FN3KRP: variants seen among roughly 807,000 people sequenced by gnomAD.
FN3KRP encodes the protein fructosamine 3 kinase related protein, also known as ketosamine-3-kinase.
In FN3KRP, 33 loss-of-function variants were observed where a neutral mutation model predicts 29.8. The ratio of observed to expected loss-of-function variants is 1.11; its 90% confidence interval spans 0.84 to 1.48. The LOEUF (loss-of-function observed/expected upper bound fraction) is 1.48. FN3KRP is among the 40% of genes most tolerant of loss of function. The pLI is 0.00. For missense variants in FN3KRP, 430 were observed against 402.6 expected (o/e 1.07, Z -0.58); for synonymous variants, 157 against 155.2 (o/e 1.01, Z -0.09).
At position 82,727,139 on chromosome 17, in the gene FN3KRP, T is replaced by C; in HGVS notation, c.898T>C (p.Ser300Pro). The C allele has an allele frequency of 6.2e-7, 1 of 1,613,982 alleles. No individual in the cohort carries two copies. The highest frequency in any genetic ancestry group is 8.5e-7 in the Non-Finnish European group (1 of 1,179,918). The change falls in exon 6 of 6, where the codon TCC becomes CCC. Residue 300 changes from serine (S) to proline (P), a missense_variant. By Grantham distance (74) the Ser-to-Pro change is moderately conservative. Coordinates refer to ENST00000269373, the MANE Select transcript of FN3KRP (RefSeq NM_024619.4). ...TTTTGGATCGGGGTACAGAGGATCC[T>C]CCCTGAACATCATGAGGAATCTGGT... is the stretch of plus-strand genomic sequence containing the variant. ...NHFGSGYRGS[S>P]LNIMRNLVK
chr17:82,726,670 C>T (rs2046839969), intron 5 of FN3KRP, 68 bp downstream of exon 5: 8 of 1,558,142 alleles, frequency 5.1e-6, no homozygotes, highest in Non-Finnish European at 6.9e-6. Flanking sequence ...AGGGGAGGCA[C>T]CAAGGCAGGT....
rs1410652736 is a variant in FN3KRP, at chr17:82,727,963, TAATA to T, written c.*796_*799del. On this transcript the variant is annotated 3_prime_UTR_variant, in exon 6 of 6. Coordinates refer to ENST00000269373, the MANE Select transcript of FN3KRP (RefSeq NM_024619.4). ...CATATTTCATGAATGGCATTGATGC[TAATA>T]AATCCTTTGCACAAAAATTTGAATA... 1 of 152,242 alleles carries T rather than the reference TAATA, an allele frequency of 6.6e-6. No individual in the cohort carries two copies. The highest frequency in any genetic ancestry group is 1.5e-5 in the Non-Finnish European group (1 of 68,044). The allele number at this position is 152,242 out of a possible 1,614,324, so 9.4% of individuals were successfully genotyped here.
chr17:82,726,477 C>T lies in FN3KRP; in HGVS notation c.469-3C>T. On this transcript the variant is annotated splice_polypyrimidine_tract_variant and splice_region_variant and intron_variant, in intron 4 of 5. Transcript: ENST00000269373. ...GAACTGTGCTTTTGCTGTTACTGTG[C>T]AGGTGAATGACTGGCAGGAGGACTG... The T allele has an allele frequency of 6.2e-7, 1 of 1,612,970 alleles. No homozygotes were observed. Among genetic ancestry groups the T allele is most frequent in the East Asian group, 2.2e-5 (1 of 44,860 alleles).
At chr17:82,719,807 G>A (rs1033610862) in intron 2 of FN3KRP, among the ~76,000 whole-genome samples, 12 of 152,008 alleles carry the variant, frequency 7.9e-5, no homozygotes, top group East Asian at 1.9e-4. Flanking sequence ...GGGAAAGATC[G>A]TCAAATAATC....
At chr17:82,726,216 C>T (rs1214006785) in intron 4 of FN3KRP, among the ~76,000 whole-genome samples, 1 of 152,062 alleles carries the variant, frequency 6.6e-6, no homozygotes, top group Non-Finnish European at 1.5e-5. Context: ...GTTCTAGAAG[C>T]CTTCATTCTT....
chr17:82,717,020 C>T, intron 1 of FN3KRP, 124 bp downstream of exon 1: 1 of 1,185,080 alleles, frequency 8.4e-7, no homozygotes, highest in Non-Finnish European at 1.1e-6. Context: ...CCGGGACTGC[C>T]GCCGCCGCCC....
In FN3KRP at chr17:82,727,883, T is replaced by C. The variant is rs1245502427; in HGVS notation, c.*712T>C. The C allele has an allele frequency of 1.3e-5, 2 of 152,242 alleles. No individual in the cohort carries two copies. The highest frequency in any genetic ancestry group is 4.8e-5 in the African/African-American group (2 of 41,462). 9.4% of individuals were successfully genotyped at this position (152,242 alleles called of 1,614,324 possible). ...GCTGAGTTGTCATTCCTTTGCAACATTAAAATACATGCTGAACTCATATTT... is the reference window on the plus strand; with the variant it reads ...GCTGAGTTGTCATTCCTTTGCAACACTAAAATACATGCTGAACTCATATTT... On this transcript the variant is annotated 3_prime_UTR_variant, in exon 6 of 6. Coordinates refer to ENST00000269373, the MANE Select transcript of FN3KRP (RefSeq NM_024619.4).
intron 1 of FN3KRP, chr17:82,718,369 T>C: frequency 1.0e-6 from 1 of 984,050 alleles, no homozygotes; most frequent in South Asian, 4.7e-5. Context: ...GGGAGTTGGA[T>C]GGAAACGGCA....
At chr17:82,720,698 T>G (rs1201662496) in intron 3 of FN3KRP, 1 of 199,894 alleles carries the variant, frequency 5.0e-6, no homozygotes, top group Non-Finnish European at 1.0e-5. Context: ...ACCCAGGGTC[T>G]GTTCCTGTAA....
rs974582210 is a variant in FN3KRP at position 82,727,508 on chromosome 17, T to C, written c.*337T>C. On this transcript the variant is annotated 3_prime_UTR_variant, in exon 6 of 6. Transcript: ENST00000269373. Reference sequence around the variant, plus strand: ...GGAGGGTATCCGGTGCGCAGGGAGGTGGCCAGCGCCCCCGGGCACTGCTGC... The same window carrying C: ...GGAGGGTATCCGGTGCGCAGGGAGGCGGCCAGCGCCCCCGGGCACTGCTGC... 3.5e-5 allele frequency: 8 copies of C among 226,916 alleles called. No individual in the cohort carries two copies. The highest frequency in any genetic ancestry group is 4.5e-5 in the African/African-American group (2 of 44,252). The allele number at this position is 226,916 out of a possible 1,614,324, so 14.1% of individuals were successfully genotyped here. A position where few individuals can be genotyped will look rare whatever the true frequency, so the allele number is the denominator to read the frequency against.
chr17:82,722,220 C>T (rs1179600937), intron 3 of FN3KRP, among the ~76,000 whole-genome samples: 4 of 152,074 alleles, frequency 2.6e-5, no homozygotes, highest in African/African-American at 7.2e-5. Flanking sequence ...CTGCAACCTC[C>T]GCCTCCCGGG....
In FN3KRP at chr17:82,716,830, C is replaced by T. The variant is rs1339140797; in HGVS notation, c.75C>T (p.Ile25=). ...CGGGCCACTCGGGGGGCGGGTGCAT[C>T]AGCCAGGGCCGGAGCTACGACACGG... The part of the protein sequence containing the change: ...RATGHSGGGC[I]SQGRSYDTDQ... The change falls in exon 1 of 6, where the codon ATC becomes ATT. Residue 25 remains isoleucine, a synonymous_variant. Transcript: ENST00000269373. The T allele has an allele frequency of 6.4e-7, 1 of 1,557,190 alleles. No individual in the cohort carries two copies. Among genetic ancestry groups the T allele is most frequent in the South Asian group, 1.2e-5 (1 of 84,740 alleles).
intron 2 of FN3KRP, among the ~76,000 whole-genome samples, chr17:82,719,482 C>T (rs547821041): frequency 9.8e-5 from 15 of 152,384 alleles, no homozygotes; most frequent in East Asian, 5.8e-4. Context: ...ACGCCGGCCG[C>T]GGTGGCTCAC....
rs1441484991 is a variant in FN3KRP at position 82,726,622 on chromosome 17, A to C, written c.591+20A>C. 1.9e-6 allele frequency: 3 copies of C among 1,603,476 alleles called. No homozygotes were observed. Among genetic ancestry groups the C allele is most frequent in the Non-Finnish European group, 2.6e-6 (3 of 1,174,666 alleles). On this transcript the variant is annotated intron_variant, in intron 5 of 5. Coordinates refer to ENST00000269373, the MANE Select transcript of FN3KRP (RefSeq NM_024619.4). Reference sequence around the variant, plus strand: ...CTGCAGGTGAGTGGGGCCCCACTGCATGCCCAGCACCTGCCACACACCCCA... The same window carrying C: ...CTGCAGGTGAGTGGGGCCCCACTGCCTGCCCAGCACCTGCCACACACCCCA...
chr17:82,720,844 A>T (rs2046793654), intron 3 of FN3KRP: 1 of 153,768 alleles, frequency 6.5e-6, no homozygotes, highest in Non-Finnish European at 1.4e-5. Context: ...CCCACATGGT[A>T]AATGTGGGGA....
At chr17:82,718,592 C>T (rs1296919327) in intron 1 of FN3KRP, 2 of 1,110,590 alleles carry the variant, frequency 1.8e-6, no homozygotes, top group South Asian at 2.7e-5. Context: ...TTCACAGTCC[C>T]ACTGTTGCCG....
chr17:82,721,704 G>A lies in FN3KRP; in HGVS notation c.386-1100G>A, dbSNP rs539850052. On this transcript the variant is annotated intron_variant, in intron 3 of 5. Transcript: ENST00000269373. ...TTTTTAGTAGAGACAGGGTTTCACC[G>A]TGTTAGCCGGGATGGTCTCGACTTC... 7.2e-5 allele frequency among the ~76,000 whole-genome samples: 11 copies of A among 151,860 alleles called. No homozygotes were observed. The South Asian group carries it at 1.7e-3, about 23-fold the overall frequency.
chr17:82,722,985 T>A, intron 4 of FN3KRP, 99 bp downstream of exon 4: 1 of 1,077,528 alleles, frequency 9.3e-7, no homozygotes, highest in African/African-American at 1.6e-5. Flanking sequence ...TGAGCTTCAG[T>A]AAAAGTATTT....
intron 3 of FN3KRP, among the ~76,000 whole-genome samples, chr17:82,721,843 GT>G (rs906160589): frequency 6.9e-6 from 1 of 145,806 alleles, no homozygotes; most frequent in African/African-American, 2.5e-5. Context: ...GTTTTGTTTT[GT>G]TTTTTTTGAA....
Sources: gnomAD v4.1 joint callset for allele counts (sites outside exome capture counted in the v4.1 genomes callset) on GRCh38, gnomAD v4.1.1 for gene constraint, MANE v1.5 for transcripts, NCBI Gene and HGNC (gene_info 2026-07-23, HGNC 2026-07-21) for gene names.